CNTNAP5: variants seen among roughly 807,000 people sequenced by gnomAD.
CNTNAP5 encodes contactin-associated protein-like 5.
In CNTNAP5, 72 loss-of-function variants were observed where a neutral mutation model predicts 150.2. The ratio of observed to expected loss-of-function variants is 0.48; its 90% CI spans 0.40 to 0.58. CNTNAP5 has a LOEUF of 0.58. CNTNAP5 is among the 20% of genes least tolerant of loss of function. The probability of loss-of-function intolerance (pLI) is 0.00; values close to 1 mark genes in which losing one functional copy is unlikely to be tolerated. For missense variants in CNTNAP5, 1,636 were observed against 1,626.2 expected (o/e 1.01, Z -0.10); for synonymous variants, 672 against 619.8 (o/e 1.08, Z -1.25).
At chr2:124,886,426 G>A (rs1057261873) in intron 21 of CNTNAP5, among the ~76,000 whole-genome samples, 1 of 152,032 alleles carries the variant, frequency 6.6e-6, no homozygotes, top group Non-Finnish European at 1.5e-5. Context: ...GTCAGAGACT[G>A]CCAGATGATC....
At chr2:124,031,528 G>A (rs763115775) in intron 1 of CNTNAP5, among the ~76,000 whole-genome samples, 3 of 152,206 alleles carry the variant, frequency 2.0e-5, no homozygotes, top group South Asian at 2.1e-4. Flanking sequence ...GATTGGATGC[G>A]GGAGCTGAAA....
intron 1 of CNTNAP5, among the ~76,000 whole-genome samples, chr2:124,218,222 C>A (rs551842672): frequency 6.6e-6 from 1 of 152,212 alleles, no homozygotes; most frequent in Admixed American, 6.6e-5. Flanking sequence ...CAACCTTGAG[C>A]AGTAGGATAT....
At chr2:124,805,875 C>T (rs1192636570) in intron 19 of CNTNAP5, among the ~76,000 whole-genome samples, 1 of 152,124 alleles carries the variant, frequency 6.6e-6, no homozygotes, top group Non-Finnish European at 1.5e-5. Flanking sequence ...GACAGAGGGG[C>T]TTTGCTGGTG....
intron 14 of CNTNAP5, among the ~76,000 whole-genome samples, chr2:124,753,544 T>C (rs1680775748): frequency 6.6e-6 from 1 of 152,244 alleles, no homozygotes; most frequent in Admixed American, 6.5e-5. Flanking sequence ...AGATTGATTT[T>C]CTTCTGGCTA....
intron 21 of CNTNAP5, among the ~76,000 whole-genome samples, chr2:124,875,747 G>A (rs560377740): frequency 1.8e-4 from 27 of 147,048 alleles, no homozygotes; most frequent in African/African-American, 6.5e-4. Flanking sequence ...TGTCTGTCAA[G>A]GTGACTGTAA....
chr2:124,498,816 A>G (rs1338065515), intron 7 of CNTNAP5, among the ~76,000 whole-genome samples: 1 of 152,190 alleles, frequency 6.6e-6, no homozygotes, highest in African/African-American at 2.4e-5. Context: ...CATGCCAACA[A>G]CAGAATGATT....
intron 14 of CNTNAP5, among the ~76,000 whole-genome samples, chr2:124,758,391 AG>A (rs1219154784): frequency 1.3e-5 from 2 of 152,066 alleles, no homozygotes; most frequent in African/African-American, 4.8e-5. Flanking sequence ...ATCCAAGGGA[AG>A]GATTTAGTAG....
chr2:124,330,909 A>G (rs1304960622), intron 3 of CNTNAP5, among the ~76,000 whole-genome samples: 2 of 152,210 alleles, frequency 1.3e-5, no homozygotes, highest in Non-Finnish European at 2.9e-5. Context: ...AACAAAATTC[A>G]TAAAAATTAT....
intron 13 of CNTNAP5, among the ~76,000 whole-genome samples, chr2:124,717,719 G>A (rs1679972838): frequency 6.6e-6 from 1 of 152,190 alleles, no homozygotes; most frequent in Admixed American, 6.5e-5. Flanking sequence ...CATAAATGGT[G>A]TAAGCTATAT....
intron 1 of CNTNAP5, among the ~76,000 whole-genome samples, chr2:124,041,338 GT>G (rs1681366533): frequency 6.6e-6 from 1 of 152,102 alleles, no homozygotes; most frequent in African/African-American, 2.4e-5. Context: ...ATGTCATTTT[GT>G]GTATGAGGAA....
intron 3 of CNTNAP5, among the ~76,000 whole-genome samples, chr2:124,277,236 T>C (rs1002551947): frequency 1.3e-5 from 2 of 152,170 alleles, no homozygotes; most frequent in African/African-American, 2.4e-5. Flanking sequence ...CACATCGCCA[T>C]GCAAGATGGG....
chr2:124,801,049 C>T (rs950029794), intron 19 of CNTNAP5, among the ~76,000 whole-genome samples: 2 of 152,152 alleles, frequency 1.3e-5, no homozygotes, highest in African/African-American at 2.4e-5. Context: ...AACACCCCCA[C>T]CACACCTTGC....
intron 1 of CNTNAP5, among the ~76,000 whole-genome samples, chr2:124,194,118 C>T (rs1685519707): frequency 6.6e-6 from 1 of 151,932 alleles, no homozygotes; most frequent in Admixed American, 6.6e-5. Context: ...TTATGGGATC[C>T]AGGACACAGC....
chr2:124,662,007 C>A (rs994785787), intron 13 of CNTNAP5, among the ~76,000 whole-genome samples: 1 of 152,026 alleles, frequency 6.6e-6, no homozygotes, highest in African/African-American at 2.4e-5. Context: ...CCCTTGTCTC[C>A]CACCCCCCGA....
chr2:124,803,071 C>T (rs187925404), intron 19 of CNTNAP5, among the ~76,000 whole-genome samples: 9 of 149,662 alleles, frequency 6.0e-5, no homozygotes, highest in African/African-American at 1.0e-4. Flanking sequence ...GCCGAGATCA[C>T]GCCACTGCAC....
chr2:124,087,679 G>A (rs1048960768), intron 1 of CNTNAP5, among the ~76,000 whole-genome samples: 6 of 151,776 alleles, frequency 4.0e-5, no homozygotes, highest in Non-Finnish European at 8.8e-5. Context: ...CTGAGATGGT[G>A]CCACTGTACT....
intron 13 of CNTNAP5, among the ~76,000 whole-genome samples, chr2:124,713,625 A>G (rs1398653145): frequency 1.3e-5 from 2 of 151,716 alleles, no homozygotes; most frequent in East Asian, 3.9e-4. Context: ...ATCCACCCGC[A>G]TTGGTTTCCT....
chr2:124,262,504 G>C (rs1687484454), intron 3 of CNTNAP5, among the ~76,000 whole-genome samples: 2 of 152,110 alleles, frequency 1.3e-5, no homozygotes, highest in African/African-American at 2.4e-5. Context: ...TAAATTCAGA[G>C]AGAAATATTA....
chr2:124,871,263 C>T (rs925407749), intron 21 of CNTNAP5, among the ~76,000 whole-genome samples: 3 of 110,490 alleles, frequency 2.7e-5, no homozygotes, highest in African/African-American at 1.9e-4. Flanking sequence ...ATTATACATA[C>T]ATATACATAT....
Sources: allele counts gnomAD v4.1 joint callset (sites outside exome capture counted in the v4.1 genomes callset), GRCh38; gene constraint gnomAD v4.1.1; transcripts MANE v1.5; gene names NCBI Gene and HGNC (gene_info 2026-07-23, HGNC 2026-07-21).